The following CAPZA2 variants were observed in gnomAD, a reference collection of about 807,000 sequenced individuals.
CAPZA2 encodes capping actin protein of muscle Z-line subunit alpha 2.
In CAPZA2, 13 loss-of-function variants were observed where a neutral mutation model predicts 44.0. That is an observed-to-expected ratio of 0.30 (90% CI 0.19 to 0.47). The LOEUF (loss-of-function observed/expected upper bound fraction) is 0.47, where lower values mean the gene tolerates loss of function less well. Among genes scored for constraint, CAPZA2 ranks in the 20% least tolerant of loss-of-function variants. The pLI is 1.00. For missense variants in CAPZA2, 244 were observed against 338.6 expected (o/e 0.72, Z 2.19); for synonymous variants, 94 against 108.2 (o/e 0.87, Z 0.81).
intron 3 of CAPZA2, among the ~76,000 whole-genome samples, chr7:116,896,969 T>C (rs1796935747): frequency 1.3e-5 from 2 of 152,196 alleles, no homozygotes; most frequent in African/African-American, 4.8e-5. Context: ...GAGTACCTTT[T>C]CCACTGTACT....
chr7:116,886,205 A>G (rs1796760021), intron 1 of CAPZA2: 1 of 154,668 alleles, frequency 6.5e-6, no homozygotes, highest in South Asian at 2.0e-4. Flanking sequence ...TTTTATATGC[A>G]CTTTTTAGGT....
At chr7:116,865,623 G>C (rs148770308) in intron 1 of CAPZA2, among the ~76,000 whole-genome samples, 172 of 152,292 alleles carry the variant, frequency 1.1e-3, no homozygotes, top group African/African-American at 3.8e-3. Context: ...TGTCCACCCA[G>C]GCTGGAGTGC....
intron 1 of CAPZA2, chr7:116,876,464 C>T (rs1796624282): frequency 6.6e-6 from 1 of 152,204 alleles, no homozygotes; most frequent in Admixed American, 6.5e-5. Context: ...ACTAGATAAT[C>T]ACACTTGTAA....
At chr7:116,879,565 A>G (rs767760981) in intron 1 of CAPZA2, among the ~76,000 whole-genome samples, 1 of 152,034 alleles carries the variant, frequency 6.6e-6, no homozygotes, top group Non-Finnish European at 1.5e-5. Context: ...GGAGTGCACA[A>G]ACTAGATCCC....
At chr7:116,907,418 C>T (rs1214554030) in intron 6 of CAPZA2, among the ~76,000 whole-genome samples, 1 of 151,990 alleles carries the variant, frequency 6.6e-6, no homozygotes, top group Non-Finnish European at 1.5e-5. Flanking sequence ...AATCTAGAAT[C>T]CTGAAACAAT....
At position 116,916,236 on chromosome 7, in the gene CAPZA2, T is replaced by C. The variant is rs990395258; in HGVS notation, c.720+114T>C. 18 of 1,101,772 alleles carry C rather than the reference T, an allele frequency of 1.6e-5. No individual in the cohort carries two copies. The Admixed American group carries it at 1.7e-4, about 10-fold the overall frequency. The allele number at this position is 1,101,772 out of a possible 1,614,324, so 68.2% of individuals were successfully genotyped here. On this transcript the variant is annotated intron_variant, in intron 9 of 9. Coordinates refer to ENST00000361183, the MANE Select transcript of CAPZA2 (RefSeq NM_006136.3). Reference sequence around the variant, plus strand: ...CATTGCATCAGTTAGAGTCTTTTTGTTGTGTGTCTGCTTTTAACACAAAGG... The same window carrying C: ...CATTGCATCAGTTAGAGTCTTTTTGCTGTGTGTCTGCTTTTAACACAAAGG...
intron 1 of CAPZA2, among the ~76,000 whole-genome samples, chr7:116,881,235 A>G (rs964592188): frequency 6.6e-6 from 1 of 152,172 alleles, no homozygotes; most frequent in African/African-American, 2.4e-5. Context: ...TTTTATCCAT[A>G]TAACAGTATA....
intron 6 of CAPZA2, among the ~76,000 whole-genome samples, chr7:116,908,474 G>A (rs1452853593): frequency 6.6e-6 from 1 of 152,074 alleles, no homozygotes; most frequent in Non-Finnish European, 1.5e-5. Flanking sequence ...ATAAACGAGA[G>A]GGGCAGAATA....
At chr7:116,913,253 T>C (rs1791620920) in intron 8 of CAPZA2, among the ~76,000 whole-genome samples, 1 of 152,228 alleles carries the variant, frequency 6.6e-6, no homozygotes, top group Admixed American at 6.5e-5. Context: ...GATGATATTG[T>C]TTGCAAAACA....
chr7:116,892,567 A>G (rs976875770), intron 2 of CAPZA2, among the ~76,000 whole-genome samples: 4 of 152,004 alleles, frequency 2.6e-5, no homozygotes, highest in African/African-American at 7.2e-5. Flanking sequence ...GGGGTGTCCA[A>G]TCTTTTGGAC....
Position 116,865,750 on chromosome 7 carries a change from A to T in CAPZA2, c.39+3100A>T, listed in dbSNP as rs115789395. 2.4e-3 allele frequency among the ~76,000 whole-genome samples: 361 copies of T among 152,164 alleles called. 2 individuals are homozygous for T. The highest frequency in any genetic ancestry group is 8.2e-3 in the African/African-American group (342 of 41,504). The stretch of plus-strand genomic sequence containing the variant: ...GTGTGCCAGGACACCCAGCAAATTT[A>T]AAAAAATTTTTTGTAGAGACAAGGT... On this transcript the variant is annotated intron_variant, in intron 1 of 9. Coordinates refer to ENST00000361183, the MANE Select transcript of CAPZA2 (RefSeq NM_006136.3).
At chr7:116,894,619 A>C (rs1796901155) in intron 3 of CAPZA2, among the ~76,000 whole-genome samples, 1 of 152,178 alleles carries the variant, frequency 6.6e-6, no homozygotes, top group African/African-American at 2.4e-5. Flanking sequence ...ATTGTTATGT[A>C]ATCATAGCCA....
At position 116,900,566 on chromosome 7, in the gene CAPZA2, A is replaced by G. The variant is rs1210497619; in HGVS notation, c.219+1731A>G. 2.0e-5 allele frequency among the ~76,000 whole-genome samples: 3 copies of G among 152,144 alleles called. No individual in the cohort carries two copies. In the East Asian group the frequency reaches 5.8e-4, roughly 29 times the overall value. On this transcript the variant is annotated intron_variant, in intron 4 of 9. Coordinates refer to ENST00000361183, the MANE Select transcript of CAPZA2 (RefSeq NM_006136.3). ...GGGCCAGGGAATTCAATTTAAAATG[A>G]TGGTAAAAGTTACAGATTAGGAATA...
chr7:116,903,173 A>G (rs903095895), intron 4 of CAPZA2, among the ~76,000 whole-genome samples: 29 of 151,660 alleles, frequency 1.9e-4, no homozygotes, highest in African/African-American at 6.8e-4. Context: ...GAAATATATC[A>G]CTTGACTTTG....
At position 116,917,915 on chromosome 7, in the gene CAPZA2, A is replaced by C. The variant is rs1189618191; in HGVS notation, c.*48A>C. 1 of 1,532,522 alleles carries C rather than the reference A, an allele frequency of 6.5e-7. No individual in the cohort carries two copies. Among genetic ancestry groups the C allele is most frequent in the Non-Finnish European group, 9.0e-7 (1 of 1,107,636 alleles). The allele number at this position is 1,532,522 out of a possible 1,614,324, so 94.9% of individuals were successfully genotyped here. A position where few individuals can be genotyped will look rare whatever the true frequency, so the allele number is the denominator to read the frequency against. On this transcript the variant is annotated 3_prime_UTR_variant, in exon 10 of 10. Coordinates refer to ENST00000361183, the MANE Select transcript of CAPZA2 (RefSeq NM_006136.3). ...CATTTTAGTGTCTTTGCGTTAAAAA[A>C]TCATTGCAAAAGTATTCTGAACTGT...
At chr7:116,910,766 G>A (rs1284563547) in intron 7 of CAPZA2, among the ~76,000 whole-genome samples, 1 of 152,114 alleles carries the variant, frequency 6.6e-6, no homozygotes, top group Non-Finnish European at 1.5e-5. Flanking sequence ...AACACTTTGG[G>A]AGGCCGAGGT....
intron 5 of CAPZA2, among the ~76,000 whole-genome samples, chr7:116,905,281 A>G (rs749600827): frequency 1.6e-4 from 25 of 152,162 alleles, no homozygotes; most frequent in Non-Finnish European, 1.2e-4. Flanking sequence ...GGCCTTTTCC[A>G]TTGCCAGAGT....
intron 9 of CAPZA2, 139 bp downstream of exon 9, chr7:116,916,261 G>A: frequency 1.2e-6 from 1 of 815,818 alleles, no homozygotes; most frequent in South Asian, 2.8e-5. Flanking sequence ...TAACACAAAG[G>A]CAGACTTACT....
rs1319858310 is a variant in CAPZA2 at position 116,920,317 on chromosome 7, G to A, written c.*2450G>A. The A allele has an allele frequency of 6.6e-6, 1 of 152,166 alleles. No homozygotes were observed. The highest frequency in any genetic ancestry group is 1.9e-4 in the East Asian group (1 of 5,198). The allele number at this position is 152,166 out of a possible 1,614,324, so 9.4% of individuals were successfully genotyped here. On this transcript the variant is annotated 3_prime_UTR_variant, in exon 10 of 10. Transcript: ENST00000361183. ...GAATGGAAACCCAGAGTATCCTATA[G>A]CTCAGGGATGTAATTTTAGTAGGAG...
Sources: gnomAD v4.1 joint callset for allele counts (sites outside exome capture counted in the v4.1 genomes callset) on GRCh38, gnomAD v4.1.1 for gene constraint, MANE v1.5 for transcripts, NCBI Gene and HGNC (gene_info 2026-07-23, HGNC 2026-07-21) for gene names.